The following GLCE variants were observed in gnomAD, a reference collection of about 807,000 sequenced individuals.
GLCE encodes the protein glucuronic acid epimerase, also known as D-glucuronyl C5-epimerase.
GLCE carries 19 observed loss-of-function variants against 47.9 expected under a neutral mutation model. That is an observed-to-expected ratio of 0.40 (90% CI 0.28 to 0.58). The LOEUF is 0.58. Ranked by LOEUF, GLCE falls within the 20% of genes least tolerant of loss-of-function variation. The pLI is 0.48. For synonymous variants in GLCE, 245 were observed against 263.4 expected, an observed-to-expected ratio of 0.93 and a Z score of 0.68; for missense variants, 556 against 743.3, an observed-to-expected ratio of 0.75 and a Z score of 2.93.
intron 2 of GLCE, among the ~76,000 whole-genome samples, chr15:69,215,701 A>C (rs1317449385): frequency 6.6e-6 from 1 of 152,156 alleles, no homozygotes; most frequent in Non-Finnish European, 1.5e-5. Context: ...ACAATTTTGC[A>C]TTCCTGCCAC....
intron 2 of GLCE, among the ~76,000 whole-genome samples, chr15:69,246,694 C>T (rs991070146): frequency 1.1e-4 from 16 of 142,672 alleles, no homozygotes; most frequent in Non-Finnish European, 1.8e-4. Flanking sequence ...CCAGCCTGGG[C>T]GATACAGTGA....
chr15:69,228,711 A>G (rs1029436600), intron 2 of GLCE, among the ~76,000 whole-genome samples: 3 of 152,148 alleles, frequency 2.0e-5, no homozygotes, highest in Non-Finnish European at 4.4e-5. Context: ...TTTTCTTTTG[A>G]GTCAGAGTCT....
Position 69,222,593 on chromosome 15 carries a change from C to T in GLCE, c.-14+12187C>T, listed in dbSNP as rs571761660. 2.0e-5 allele frequency among the ~76,000 whole-genome samples: 3 copies of T among 152,258 alleles called. No homozygotes were observed. In the South Asian group the frequency reaches 6.2e-4, roughly 32 times the overall value. ...ACTTGGCAACCCTGTGTGGGGTTCC[C>T]AGTTTCCTCCCCCTTCAGTCCTGGC... On this transcript the variant is annotated intron_variant, in intron 2 of 4. Coordinates refer to ENST00000261858, the MANE Select transcript of GLCE (RefSeq NM_015554.3).
chr15:69,238,978 G>A (rs1455655277), intron 2 of GLCE, among the ~76,000 whole-genome samples: 3 of 152,172 alleles, frequency 2.0e-5, no homozygotes, highest in Non-Finnish European at 4.4e-5. Context: ...AGTAAAGGGC[G>A]ACATGGGGAG....
Position 69,261,267 on chromosome 15 carries a change from G to A in GLCE, c.767G>A (p.Cys256Tyr), listed in dbSNP as rs184716019. Residue 256 changes from cysteine to tyrosine, a missense_variant, in exon 4 of 5, where the codon TGC becomes TAC. By Grantham distance (194) the Cys-to-Tyr change is radical. This residue lies in a region of GLCE where 237 missense variants were observed against 310.9 expected (regional missense o/e 0.76). Transcript: ENST00000261858. ...AATGACTGGACTGTGCCAAAGGGCTGCTTTATGGCGAATGTGGCTGATAAG... is the reference window on the plus strand; with the variant it reads ...AATGACTGGACTGTGCCAAAGGGCTACTTTATGGCGAATGTGGCTGATAAG... ...KPNDWTVPKG[C>Y]FMANVADKSR... The A allele has an allele frequency of 1.9e-6, 3 of 1,614,044 alleles. No homozygotes were observed. Among genetic ancestry groups the A allele is most frequent in the Admixed American group, 1.7e-5 (1 of 60,020 alleles).
chr15:69,166,201 A>G (rs2051498933), intron 1 of GLCE, among the ~76,000 whole-genome samples: 2 of 152,222 alleles, frequency 1.3e-5, no homozygotes, highest in South Asian at 4.1e-4. Flanking sequence ...TGCTTTACAT[A>G]CATTGCCATT....
Position 69,257,437 on chromosome 15 carries a change from C to T in GLCE, c.586+1045C>T, listed in dbSNP as rs535151747. On this transcript the variant is annotated intron_variant, in intron 3 of 4. Transcript: ENST00000261858. ...TACTGCAGTCTCGATCTCCCAGGCT[C>T]AAGTGATCCTCCCACCTCAGCCTCC... is the stretch of plus-strand genomic sequence containing the variant. 6.0e-4 allele frequency among the ~76,000 whole-genome samples: 91 copies of T among 152,278 alleles called. 1 individual carries two copies. Among genetic ancestry groups the T allele is most frequent in the Non-Finnish European group, 1.1e-3 (74 of 68,032 alleles).
Position 69,178,853 on chromosome 15 carries a change from A to G in GLCE, c.-105+18096A>G, listed in dbSNP as rs1459635048. Among the ~76,000 whole-genome samples the G allele has an allele frequency of 3.9e-5, 6 of 152,164 alleles. No homozygotes were observed. In the East Asian group the frequency reaches 9.6e-4, roughly 24 times the overall value. ...TTAATTATATTGTCAAAAAACATAT[A>G]TGACTCTTAGTAGGGGTCTGGTTAA... On this transcript the variant is annotated intron_variant, in intron 1 of 4. Transcript: ENST00000261858.
chr15:69,237,239 T>C (rs149279345), intron 2 of GLCE, among the ~76,000 whole-genome samples: 87 of 152,234 alleles, frequency 5.7e-4, no homozygotes, highest in African/African-American at 2.0e-3. Context: ...CTGCATTGCT[T>C]TGTGAAGTAG....
intron 3 of GLCE, among the ~76,000 whole-genome samples, chr15:69,256,991 T>G (rs2052934329): frequency 6.6e-6 from 1 of 152,242 alleles, no homozygotes; most frequent in African/African-American, 2.4e-5. Context: ...GACTTTAAAG[T>G]ATATCACTTA....
At chr15:69,239,929 A>G (rs936782116) in intron 2 of GLCE, among the ~76,000 whole-genome samples, 1 of 152,204 alleles carries the variant, frequency 6.6e-6, no homozygotes, top group African/African-American at 2.4e-5. Context: ...AATATCACCC[A>G]TTTTGCAACT....
intron 2 of GLCE, among the ~76,000 whole-genome samples, chr15:69,235,821 G>A (rs1566964495): frequency 6.6e-6 from 1 of 152,050 alleles, no homozygotes; most frequent in Non-Finnish European, 1.5e-5. Context: ...AATAAAATGT[G>A]CCCCTTTAAA....
At chr15:69,175,919 A>G (rs2051655134) in intron 1 of GLCE, among the ~76,000 whole-genome samples, 1 of 152,232 alleles carries the variant, frequency 6.6e-6, no homozygotes, top group African/African-American at 2.4e-5. Context: ...TTTACTGAGT[A>G]TATAACCTTA....
intron 1 of GLCE, among the ~76,000 whole-genome samples, chr15:69,208,397 C>G (rs909334061): frequency 6.6e-6 from 1 of 151,922 alleles, no homozygotes; most frequent in African/African-American, 2.4e-5. Flanking sequence ...AAAAGACAAT[C>G]CTTTCCTCAC....
At chr15:69,247,892 A>G (rs1294053207) in intron 2 of GLCE, among the ~76,000 whole-genome samples, 1 of 152,220 alleles carries the variant, frequency 6.6e-6, no homozygotes, top group Non-Finnish European at 1.5e-5. Context: ...CCCCAAAACA[A>G]TTAAAATAGC....
intron 1 of GLCE, among the ~76,000 whole-genome samples, chr15:69,202,553 A>G (rs1229476655): frequency 1.3e-5 from 2 of 152,110 alleles, no homozygotes; most frequent in African/African-American, 4.8e-5. Context: ...AAAGACAGTT[A>G]TTTGTAGTTT....
At chr15:69,161,410 G>A (rs2051418734) in intron 1 of GLCE, among the ~76,000 whole-genome samples, 1 of 151,992 alleles carries the variant, frequency 6.6e-6, no homozygotes, top group Non-Finnish European at 1.5e-5. Context: ...GGGGCTGAGG[G>A]TGTGTAGCGG....
intron 1 of GLCE, among the ~76,000 whole-genome samples, chr15:69,188,210 C>T (rs529198527): frequency 3.9e-5 from 6 of 152,008 alleles, no homozygotes; most frequent in East Asian, 3.9e-4. Flanking sequence ...CCAGCTTGGG[C>T]GACAGAGTGA....
At chr15:69,197,008 C>T (rs991041739) in intron 1 of GLCE, 5 of 312,522 alleles carry the variant, frequency 1.6e-5, no homozygotes, top group Admixed American at 3.5e-5. Flanking sequence ...GGTCTGCTGC[C>T]GGTCTGATCC....
Sources: gnomAD v4.1 joint callset for allele counts (sites outside exome capture counted in the v4.1 genomes callset) on GRCh38, gnomAD v4.1.1 for gene constraint, gnomAD v4.1.1 regional missense constraint, MANE v1.5 for transcripts, NCBI Gene and HGNC (gene_info 2026-07-23, HGNC 2026-07-21) for gene names.